The following LIMCH1 variants were observed in gnomAD, a reference collection of about 807,000 sequenced individuals.
LIMCH1 encodes the protein LIM and calponin homology domains-containing protein 1.
Under a neutral mutation model 176.5 loss-of-function variants are expected in LIMCH1, and 113 were observed. The ratio of observed to expected loss-of-function variants is 0.64; its 90% CI spans 0.55 to 0.75. The LOEUF is 0.75. Among genes scored for constraint, LIMCH1 ranks in the 30% least tolerant of loss-of-function variants. The probability of loss-of-function intolerance (pLI) is 0.00; values close to 1 mark genes in which losing one functional copy is unlikely to be tolerated. For synonymous variants in LIMCH1, 619 were observed against 645.9 expected (o/e 0.96, Z 0.63); for missense variants, 1,674 against 1,814.9 (o/e 0.92, Z 1.41).
At chr4:41,490,916 G>A (rs1334979351) in intron 1 of LIMCH1, among the ~76,000 whole-genome samples, 2 of 150,302 alleles carry the variant, frequency 1.3e-5, no homozygotes, top group African/African-American at 2.5e-5. Context: ...AGGCAGAGGC[G>A]CTCCTCACTT....
chr4:41,382,153 C>G (rs1271312076), intron 1 of LIMCH1, among the ~76,000 whole-genome samples: 6 of 152,114 alleles, frequency 3.9e-5, no homozygotes, highest in African/African-American at 1.4e-4. Context: ...GGATATTTGT[C>G]TCATAGCATT....
intron 1 of LIMCH1, among the ~76,000 whole-genome samples, chr4:41,545,753 T>TTAAC (rs1186197867): frequency 5.8e-4 from 88 of 152,344 alleles, no homozygotes; most frequent in African/African-American, 2.0e-3. Flanking sequence ...AGTCATAGGT[T>TTAAC]TAACTTTTTT....
chr4:41,574,914 C>G (rs1033542589), intron 1 of LIMCH1, among the ~76,000 whole-genome samples: 1 of 152,156 alleles, frequency 6.6e-6, no homozygotes, highest in African/African-American at 2.4e-5. Flanking sequence ...CAGTTAGGAA[C>G]CACTGAATTC....
intron 1 of LIMCH1, among the ~76,000 whole-genome samples, chr4:41,563,136 A>G (rs1185938364): frequency 6.6e-6 from 1 of 152,196 alleles, no homozygotes; most frequent in East Asian, 1.9e-4. Flanking sequence ...CGTGGCCTAT[A>G]TAGACCTTGG....
At chr4:41,475,266 C>T (rs140006656) in intron 1 of LIMCH1, among the ~76,000 whole-genome samples, 82 of 152,294 alleles carry the variant, frequency 5.4e-4, no homozygotes, top group African/African-American at 1.9e-3. Flanking sequence ...TATATAGTTA[C>T]ATGCTTTGTT....
chr4:41,649,470 G>T (rs1265359457), intron 17 of LIMCH1, among the ~76,000 whole-genome samples: 1 of 152,174 alleles, frequency 6.6e-6, no homozygotes, highest in African/African-American at 2.4e-5. Flanking sequence ...CTTAAAATGT[G>T]TCAGGTACTG....
chr4:41,622,935 AAC>A (rs1478589056), intron 7 of LIMCH1, among the ~76,000 whole-genome samples: 1 of 152,186 alleles, frequency 6.6e-6, no homozygotes, highest in East Asian at 1.9e-4. Flanking sequence ...ATAGCAACAC[AAC>A]ACAGCTGCTC....
rs559205219 is a variant in LIMCH1 at position 41,581,576 on chromosome 4, G to A, written c.-240-17344G>A. 1.8e-3 allele frequency among the ~76,000 whole-genome samples: 279 copies of A among 152,176 alleles called. 1 individual carries two copies. Among genetic ancestry groups the A allele is most frequent in the Admixed American group, 4.8e-3 (73 of 15,284 alleles). ...AATCCCAGCACTTTGGGAGGCCAAG[G>A]CGGGTGGATCCCGAGGTCAAGAGAT... On this transcript the variant is annotated intron_variant, in intron 1 of 31. Transcript: ENST00000503057.
chr4:41,463,263 G>A (rs2065638608), intron 1 of LIMCH1, among the ~76,000 whole-genome samples: 1 of 151,900 alleles, frequency 6.6e-6, no homozygotes, highest in Non-Finnish European at 1.5e-5. Flanking sequence ...GACATGATTG[G>A]CTTCCTAGGA....
intron 1 of LIMCH1, among the ~76,000 whole-genome samples, chr4:41,590,774 C>G (rs2087403824): frequency 1.3e-5 from 2 of 152,146 alleles, no homozygotes; most frequent in African/African-American, 4.8e-5. Flanking sequence ...AGCTGGTATC[C>G]TCATTAAGTG....
chr4:41,450,708 T>G (rs896491496), intron 1 of LIMCH1, among the ~76,000 whole-genome samples: 1 of 150,364 alleles, frequency 6.7e-6, no homozygotes, highest in Non-Finnish European at 1.5e-5. Context: ...GGCAGGAGAA[T>G]TGTTTGAACC....
At chr4:41,458,593 G>A (rs988076214) in intron 1 of LIMCH1, among the ~76,000 whole-genome samples, 4 of 151,830 alleles carry the variant, frequency 2.6e-5, no homozygotes, top group African/African-American at 9.7e-5. Flanking sequence ...GGCCAACATG[G>A]TGAAACCCCG....
intron 14 of LIMCH1, among the ~76,000 whole-genome samples, chr4:41,641,384 A>AT (rs979217749): frequency 3.3e-5 from 5 of 150,774 alleles, no homozygotes; most frequent in Non-Finnish European, 4.4e-5. Flanking sequence ...CAACTTCTTA[A>AT]TTTTTTTTTG....
intron 1 of LIMCH1, chr4:41,418,874 A>AT (rs2060181033): frequency 1.3e-5 from 2 of 152,220 alleles, no homozygotes; most frequent in Admixed American, 6.5e-5. Flanking sequence ...GCAATTGTTT[A>AT]TTGTTCTCAA....
intron 1 of LIMCH1, among the ~76,000 whole-genome samples, chr4:41,398,171 TTTTC>T (rs1486641247): frequency 7.9e-6 from 1 of 127,302 alleles, no homozygotes; most frequent in Admixed American, 7.8e-5. Context: ...TTATTAAGAG[TTTTC>T]TTTTTTTTTT....
intron 18 of LIMCH1, 93 bp from the exon 19 acceptor site, chr4:41,661,325 CCA>C: frequency 1.2e-6 from 1 of 844,764 alleles, no homozygotes; most frequent in Admixed American, 2.5e-5. Context: ...TATGGCCAAA[CCA>C]CTTTGTTGAC....
At chr4:41,499,959 A>G (rs538259077) in intron 2 of LIMCH1, among the ~76,000 whole-genome samples, 1 of 152,334 alleles carries the variant, frequency 6.6e-6, no homozygotes, top group South Asian at 2.1e-4. Context: ...AAGATTCCAG[A>G]CCAGCTATTT....
chr4:41,487,652 T>TC (rs1297220389), intron 1 of LIMCH1, among the ~76,000 whole-genome samples: 1 of 146,212 alleles, frequency 6.8e-6, no homozygotes, highest in East Asian at 2.0e-4. Flanking sequence ...TTTTTTATAT[T>TC]CTTTTTTTTT....
At chr4:41,380,233 A>G (rs1484348067) in intron 1 of LIMCH1, among the ~76,000 whole-genome samples, 1 of 152,184 alleles carries the variant, frequency 6.6e-6, no homozygotes. Context: ...ATTGAAACTC[A>G]TGTTACTGAA....
Sources: allele counts gnomAD v4.1 joint callset (sites outside exome capture counted in the v4.1 genomes callset), GRCh38; gene constraint gnomAD v4.1.1; transcripts MANE v1.5; gene names NCBI Gene and HGNC (gene_info 2026-07-23, HGNC 2026-07-21).